Variants in CYSLTR2 observed in about 807,000 individuals in gnomAD.
CYSLTR2 encodes the protein G-protein coupled receptor GPCR21.
For synonymous variants in CYSLTR2, 179 were observed against 160.8 expected (o/e 1.11, Z -0.86); for missense variants, 398 against 411.9 (o/e 0.97, Z 0.29).
Position 48,697,710 on chromosome 13 carries a change from A to G in CYSLTR2, c.-2+1084A>G, listed in dbSNP as rs7329349. Among the ~76,000 whole-genome samples, 1,329 of 152,348 alleles carry G rather than the reference A, an allele frequency of 8.7e-3. 23 individuals carry two copies. The highest frequency in any genetic ancestry group is 0.03 in the African/African-American group (1,248 of 41,562). On this transcript the variant is annotated intron_variant, in intron 4 of 4. Transcript: ENST00000682523. ...AAGGCTTTAGACCATTGGTAATAAC[A>G]AACTTCTCCAAGTTAAAGGAGGATG...
chr13:48,654,288 TGTGTGTGTGTGTGTGTGA>T (rs1446888705), intron 1 of CYSLTR2, among the ~76,000 whole-genome samples: 1,825 of 126,938 alleles, frequency 0.014, 9 homozygotes, highest in African/African-American at 0.029. Flanking sequence ...TGTGTGTGTG[TGTGTGTGTGTGTGTGTGA>T]GTGTGTGTGT....
chr13:48,672,606 CTTTTCTTTTCTTT>C (rs1301120083), intron 1 of CYSLTR2, among the ~76,000 whole-genome samples: 2 of 111,454 alleles, frequency 1.8e-5, no homozygotes, highest in Non-Finnish European at 3.8e-5. Context: ...AGTTTCTTTT[CTTTTCTTTTCTTT>C]TTTTTTTTTT....
chr13:48,705,063 T>C (rs1269275367), intron 4 of CYSLTR2, among the ~76,000 whole-genome samples: 1 of 152,204 alleles, frequency 6.6e-6, no homozygotes, highest in Non-Finnish European at 1.5e-5. Context: ...ATATCTCTCC[T>C]TTCAGTTTTA....
At chr13:48,661,648 A>G (rs9562838) in intron 1 of CYSLTR2, among the ~76,000 whole-genome samples, 28,811 of 152,170 alleles carry the variant, frequency 0.19, 3,257 homozygotes, top group South Asian at 0.27. Flanking sequence ...TCTCACAGCC[A>G]GTAAGTGGCA....
chr13:48,682,649 A>T (rs2138900956), intron 1 of CYSLTR2, among the ~76,000 whole-genome samples: 1 of 152,310 alleles, frequency 6.6e-6, no homozygotes, highest in South Asian at 2.1e-4. Flanking sequence ...ATTTCATCAT[A>T]TCAGTTCTTA....
intron 1 of CYSLTR2, among the ~76,000 whole-genome samples, chr13:48,656,132 ATTTAAG>A (rs1227095032): frequency 6.6e-6 from 1 of 152,222 alleles, no homozygotes; most frequent in Non-Finnish European, 1.5e-5. Context: ...AAAGTTCATT[ATTTAAG>A]TTTATTTCAG....
chr13:48,680,500 TCTG>T (rs1425670595), intron 1 of CYSLTR2, among the ~76,000 whole-genome samples: 1 of 152,180 alleles, frequency 6.6e-6, no homozygotes, highest in Non-Finnish European at 1.5e-5. Context: ...GGAATCTCCA[TCTG>T]CTGCTGCTGC....
chr13:48,672,618 T>TTTC (rs1491029056), intron 1 of CYSLTR2, among the ~76,000 whole-genome samples: 38 of 36,250 alleles, frequency 1.0e-3, no homozygotes, highest in East Asian at 8.0e-3. Context: ...TTTCTTTTCT[T>TTTC]TTTTTTTTTT....
intron 4 of CYSLTR2, among the ~76,000 whole-genome samples, chr13:48,703,553 T>C (rs1419062176): frequency 2.6e-5 from 4 of 152,226 alleles, no homozygotes; most frequent in Admixed American, 6.5e-5. Context: ...TCATGCACTT[T>C]TAAAAATATT....
chr13:48,705,092 T>C (rs1954446258), intron 4 of CYSLTR2, among the ~76,000 whole-genome samples: 1 of 152,216 alleles, frequency 6.6e-6, no homozygotes, highest in Non-Finnish European at 1.5e-5. Context: ...GCTTCAGTTT[T>C]GCAACTCTGT....
intron 1 of CYSLTR2, among the ~76,000 whole-genome samples, chr13:48,681,014 A>T (rs866037603): frequency 2.0e-5 from 3 of 151,104 alleles, no homozygotes; most frequent in African/African-American, 2.4e-5. Flanking sequence ...TTGTATATAT[A>T]TTTTTTTCCT....
intron 2 of CYSLTR2, 21 bp from the exon 3 acceptor site, chr13:48,693,417 A>AT (rs1020904744): frequency 6.6e-6 from 1 of 152,056 alleles, no homozygotes; most frequent in Non-Finnish European, 1.5e-5. Flanking sequence ...GTTTAATAAC[A>AT]TTTTTTCCCC....
intron 1 of CYSLTR2, among the ~76,000 whole-genome samples, chr13:48,676,176 C>T (rs1953591138): frequency 6.6e-6 from 1 of 152,192 alleles, no homozygotes; most frequent in East Asian, 1.9e-4. Flanking sequence ...CCAAGGTCAC[C>T]TACTTAGAAA....
intron 1 of CYSLTR2, among the ~76,000 whole-genome samples, chr13:48,655,558 C>A (rs931156219): frequency 1.3e-5 from 2 of 152,194 alleles, no homozygotes; most frequent in African/African-American, 4.8e-5. Flanking sequence ...CTGCTACAGG[C>A]TAGGAATCAT....
chr13:48,688,268 CT>C (rs989173659), intron 1 of CYSLTR2, among the ~76,000 whole-genome samples: 3 of 151,460 alleles, frequency 2.0e-5, no homozygotes, highest in South Asian at 2.1e-4. Context: ...ACCTCTTCTT[CT>C]TTTTTTTTAA....
At chr13:48,682,370 T>C (rs1029646658) in intron 1 of CYSLTR2, among the ~76,000 whole-genome samples, 1 of 152,206 alleles carries the variant, frequency 6.6e-6, no homozygotes, top group Non-Finnish European at 1.5e-5. Context: ...TTGTATTCGC[T>C]TTCCTGAGTC....
chr13:48,682,907 G>A (rs1276482542), intron 1 of CYSLTR2, among the ~76,000 whole-genome samples: 1 of 152,018 alleles, frequency 6.6e-6, no homozygotes, highest in Non-Finnish European at 1.5e-5. Flanking sequence ...AGATGCCAGT[G>A]TCTGTTGTTC....
At chr13:48,658,375 C>T (rs1460032051) in intron 1 of CYSLTR2, among the ~76,000 whole-genome samples, 1 of 152,090 alleles carries the variant, frequency 6.6e-6, no homozygotes, top group African/African-American at 2.4e-5. Flanking sequence ...AGTTCTTTCC[C>T]GCCCCCCAAA....
chr13:48,667,054 G>A (rs1232099019), intron 1 of CYSLTR2, among the ~76,000 whole-genome samples: 1 of 152,180 alleles, frequency 6.6e-6, no homozygotes, highest in Non-Finnish European at 1.5e-5. Context: ...AGGTTTCACA[G>A]GGCAAAGCTT....
Sources: gnomAD v4.1 joint callset for allele counts (sites outside exome capture counted in the v4.1 genomes callset) on GRCh38, gnomAD v4.1.1 for gene constraint, MANE v1.5 for transcripts, NCBI Gene and HGNC (gene_info 2026-07-23, HGNC 2026-07-21) for gene names.